The following SLIT3 variants were observed in gnomAD, a reference collection of about 807,000 sequenced individuals.
SLIT3 encodes the protein slit homolog 3 protein.
In SLIT3, 68 loss-of-function variants were observed where a neutral mutation model predicts 184.0. That is an observed-to-expected ratio of 0.37 (90% CI 0.30 to 0.45). SLIT3 has a LOEUF of 0.45. SLIT3 is among the 20% of genes least tolerant of loss of function. The probability of loss-of-function intolerance (pLI) is 1.00; values close to 1 mark genes in which losing one functional copy is unlikely to be tolerated. For missense variants in SLIT3, 1,707 were observed against 2,026.0 expected (o/e 0.84, Z 3.02); for synonymous variants, 831 against 828.6 (o/e 1.00, Z -0.05).
chr5:168,761,704 A>G (rs922391610), intron 15 of SLIT3, among the ~76,000 whole-genome samples: 1 of 152,042 alleles, frequency 6.6e-6, no homozygotes, highest in African/African-American at 2.4e-5. Flanking sequence ...TTTGTCCTCC[A>G]CGAGGCTATA....
chr5:169,213,119 G>A (rs1764320942), intron 3 of SLIT3, among the ~76,000 whole-genome samples: 1 of 152,016 alleles, frequency 6.6e-6, no homozygotes, highest in Non-Finnish European at 1.5e-5. Context: ...TAAAGTCTCA[G>A]GATACAAAAT....
At chr5:169,159,105 C>G (rs1762396137) in intron 4 of SLIT3, among the ~76,000 whole-genome samples, 1 of 151,620 alleles carries the variant, frequency 6.6e-6, no homozygotes, top group Non-Finnish European at 1.5e-5. Context: ...GAGACTGAGG[C>G]TGGGCATGGT....
chr5:169,236,699 T>C (rs1765213403), intron 3 of SLIT3, among the ~76,000 whole-genome samples: 1 of 152,158 alleles, frequency 6.6e-6, no homozygotes, highest in South Asian at 2.1e-4. Context: ...CTCAATCTCC[T>C]GATCTCATGA....
At chr5:168,929,851 C>T (rs1321487736) in intron 4 of SLIT3, among the ~76,000 whole-genome samples, 3 of 152,370 alleles carry the variant, frequency 2.0e-5, no homozygotes, top group African/African-American at 7.2e-5. Flanking sequence ...CCGGCCTCCA[C>T]AGCAGAGGAG....
At chr5:169,136,854 T>A (rs1448808232) in intron 4 of SLIT3, among the ~76,000 whole-genome samples, 2 of 152,148 alleles carry the variant, frequency 1.3e-5, no homozygotes, top group African/African-American at 4.8e-5. Flanking sequence ...CCTCTGGACT[T>A]TAGATCCTAG....
chr5:168,951,485 C>A (rs1335998009), intron 4 of SLIT3, among the ~76,000 whole-genome samples: 1 of 149,894 alleles, frequency 6.7e-6, no homozygotes, highest in African/African-American at 2.5e-5. Flanking sequence ...GAGACTAGCA[C>A]CAGTGTTTTC....
chr5:168,740,530 T>C (rs191790009), intron 20 of SLIT3, among the ~76,000 whole-genome samples: 76 of 152,340 alleles, frequency 5.0e-4, no homozygotes, highest in Non-Finnish European at 9.4e-4. Context: ...AAAGCTTGCA[T>C]TGGAAACCCT....
At chr5:168,910,860 T>A (rs1238557590) in intron 4 of SLIT3, among the ~76,000 whole-genome samples, 1 of 152,210 alleles carries the variant, frequency 6.6e-6, no homozygotes, top group Non-Finnish European at 1.5e-5. Context: ...GAACCTCTTT[T>A]AAAACACAGT....
chr5:168,960,665 T>A (rs924831489), intron 4 of SLIT3, among the ~76,000 whole-genome samples: 13 of 152,222 alleles, frequency 8.5e-5, no homozygotes, highest in African/African-American at 2.9e-4. Flanking sequence ...CCTTCTTGGG[T>A]TGGATGACAG....
intron 5 of SLIT3, among the ~76,000 whole-genome samples, chr5:168,859,049 C>G (rs1252523116): frequency 6.6e-6 from 1 of 152,146 alleles, no homozygotes; most frequent in Admixed American, 6.5e-5. Context: ...AAGTCTGAAC[C>G]CACCTGATCA....
chr5:169,016,142 A>G (rs1756367481), intron 4 of SLIT3, among the ~76,000 whole-genome samples: 1 of 152,176 alleles, frequency 6.6e-6, no homozygotes, highest in Non-Finnish European at 1.5e-5. Context: ...CAAAGTTTTG[A>G]GTAGCTATTT....
rs66498923 is a variant in SLIT3 at position 168,994,623 on chromosome 5, C to CTTTTTTT, written c.414-111294_414-111288dup. Among the ~76,000 whole-genome samples, 148 of 47,090 alleles carry CTTTTTTT rather than the reference C, an allele frequency of 3.1e-3. 36 individuals are homozygous for CTTTTTTT. The highest frequency in any genetic ancestry group is 3.6e-3 in the Admixed American group (12 of 3,294). 30.9% of individuals were successfully genotyped at this position (47,090 alleles called of 152,430 possible). A position where few individuals can be genotyped will look rare whatever the true frequency, so the allele number is the denominator to read the frequency against. ...ACATGTACCAGTGTCTGGCATTCTA[C>CTTTTTTT]TTTTTTTTTTTTTTTTTTTTTTTTT... On this transcript the variant is annotated intron_variant, in intron 4 of 35. Coordinates refer to ENST00000519560, the MANE Select transcript of SLIT3 (RefSeq NM_003062.4).
intron 5 of SLIT3, among the ~76,000 whole-genome samples, chr5:168,856,806 T>C (rs73805257): frequency 0.1 from 14,119 of 137,476 alleles, 1,542 homozygotes; most frequent in African/African-American, 0.28. Context: ...TGTGTGTGTG[T>C]GCGCGCGCGC....
chr5:169,140,527 A>C (rs933999509), intron 4 of SLIT3, among the ~76,000 whole-genome samples: 6 of 144,684 alleles, frequency 4.1e-5, no homozygotes, highest in Non-Finnish European at 9.1e-5. Flanking sequence ...GCGGTCAGGC[A>C]CGGTGGCTCA....
rs1030189359 is a variant in SLIT3 at position 168,768,052 on chromosome 5, G to A, written c.1459+4729C>T. 2.9e-5 allele frequency: 11 copies of A among 375,230 alleles called. No individual in the cohort carries two copies. In the Admixed American group the frequency reaches 3.1e-4, roughly 10 times the overall value. The allele number at this position is 375,230 out of a possible 1,614,324, so 23.2% of individuals were successfully genotyped here. On this transcript the variant is annotated intron_variant, in intron 14 of 35. Coordinates refer to ENST00000519560, the MANE Select transcript of SLIT3 (RefSeq NM_003062.4). ...TACCCTCCTGCCTTTGGTGAGTTGA[G>A]ACTGGGAGAGGTGGGTCTGGCAGGT...
At chr5:169,299,626 T>TC (rs143136144) in intron 1 of SLIT3, among the ~76,000 whole-genome samples, 2,247 of 151,636 alleles carry the variant, frequency 0.015, 71 homozygotes, top group African/African-American at 0.051. Context: ...CACCCCGGAG[T>TC]CCAAGTTTTG....
At chr5:169,232,719 C>T (rs1581083980) in intron 3 of SLIT3, among the ~76,000 whole-genome samples, 1 of 152,136 alleles carries the variant, frequency 6.6e-6, no homozygotes, top group East Asian at 1.9e-4. Context: ...ATCAAGTATC[C>T]TTCTATATCT....
intron 20 of SLIT3, among the ~76,000 whole-genome samples, chr5:168,747,618 G>C (rs923185666): frequency 6.6e-6 from 1 of 152,042 alleles, no homozygotes; most frequent in South Asian, 2.1e-4. Flanking sequence ...GTGCTTTCCT[G>C]GGGGGCAGAA....
rs185472669 is a variant in SLIT3 at position 168,779,733 on chromosome 5, G to A, written c.1152-5355C>T. On this transcript the variant is annotated intron_variant, in intron 12 of 35. Transcript: ENST00000519560. ...TGTGTCGGGATGAGGGAGAACCCTC[G>A]TGACTCAAGTCTTTCTGCTAGGGGA... Among the ~76,000 whole-genome samples, 24 of 152,348 alleles carry A rather than the reference G, an allele frequency of 1.6e-4. 1 individual carries two copies. The highest frequency in any genetic ancestry group is 1.2e-3 in the Admixed American group (18 of 15,308).
Sources: gnomAD v4.1 joint callset for allele counts (sites outside exome capture counted in the v4.1 genomes callset) on GRCh38, gnomAD v4.1.1 for gene constraint, MANE v1.5 for transcripts, NCBI Gene and HGNC (gene_info 2026-07-23, HGNC 2026-07-21) for gene names.